Variants in ASH1L observed in about 807,000 individuals in gnomAD.
ASH1L encodes histone-lysine N-methyltransferase ASH1L.
A neutral mutation model predicts 269.0 loss-of-function variants in ASH1L; 23 were observed. The observed-to-expected ratio is 0.09, with a 90% confidence interval of 0.06 to 0.12. The LOEUF is 0.12. Among genes scored for constraint, ASH1L ranks in the 10% least tolerant of loss-of-function variants. ASH1L has a pLI of 1.00. For missense variants in ASH1L, 2,912 were observed against 3,567.8 expected (o/e 0.82, Z 4.68); for synonymous variants, 1,187 against 1,253.5 (o/e 0.95, Z 1.12).
intron 1 of ASH1L, among the ~76,000 whole-genome samples, chr1:155,532,874 T>A (rs1429894318): frequency 6.7e-6 from 1 of 148,854 alleles, no homozygotes; most frequent in Admixed American, 6.8e-5. Flanking sequence ...TATATGTGTA[T>A]ATATATGTAT....
chr1:155,337,687 A>G lies in ASH1L; in HGVS notation c.8868T>C (p.Phe2956=). ...SGRKLRRRTL[F]IPENSFRK ...ACTTTCGAAAGCTGTTTTCTGGGAT[A>G]AACAAAGTACGCCTTCGCAGTTTCC... Residue 2956 remains phenylalanine (F), a synonymous_variant, in exon 28 of 28, where the codon TTT becomes TTC. Coordinates refer to ENST00000392403, the MANE Select transcript of ASH1L (RefSeq NM_018489.3). 1 of 1,613,974 alleles carries G rather than the reference A, an allele frequency of 6.2e-7. No homozygotes were observed. Among genetic ancestry groups the G allele is most frequent in the Admixed American group, 1.7e-5 (1 of 60,022 alleles).
intron 4 of ASH1L, among the ~76,000 whole-genome samples, chr1:155,457,124 G>A (rs1444888102): frequency 6.6e-6 from 1 of 152,082 alleles, no homozygotes. Context: ...CACACAGCAT[G>A]AACAAAAAAT....
intron 2 of ASH1L, among the ~76,000 whole-genome samples, chr1:155,503,076 C>T (rs953196184): frequency 2.6e-5 from 4 of 152,034 alleles, no homozygotes; most frequent in Admixed American, 2.6e-4. Flanking sequence ...GCCCCCAGCC[C>T]GTAAAATCAA....
chr1:155,491,164 A>G (rs1347728848), intron 2 of ASH1L, among the ~76,000 whole-genome samples: 3 of 152,072 alleles, frequency 2.0e-5, no homozygotes, highest in African/African-American at 7.2e-5. Context: ...GTCATTTCTA[A>G]TTTAGATGGG....
intron 22 of ASH1L, 75 bp downstream of exon 22, chr1:155,344,108 G>A (rs1653033136): frequency 2.3e-6 from 3 of 1,301,366 alleles, no homozygotes; most frequent in Non-Finnish European, 3.3e-6. Flanking sequence ...CAATGACTAT[G>A]ATGGAGACAG....
rs1206653812 is a variant in ASH1L, at chr1:155,439,048, T to G, written c.5107A>C (p.Ser1703Arg). The change falls in exon 5 of 28, where the codon AGT (serine) becomes CGT (arginine). Residue 1703 changes from serine (S) to arginine (R), a missense_variant. Ser to Arg is a moderately radical substitution (Grantham distance 110, BLOSUM62 -1). Transcript: ENST00000392403. ...TCCCCAGAAGCAACTAATCTTGGAC[T>G]TCGAGAGGGAACTCCGTTTACTGAA... ...SSTVNGVPSR[S>R]PRLVASGDDS... 6.2e-7 allele frequency: 1 copy of G among 1,607,236 alleles called. No individual in the cohort carries two copies. The highest frequency in any genetic ancestry group is 2.2e-5 in the East Asian group (1 of 44,802).
chr1:155,483,442 T>G (rs540287148), intron 2 of ASH1L, among the ~76,000 whole-genome samples: 9 of 152,104 alleles, frequency 5.9e-5, no homozygotes, highest in Admixed American at 5.2e-4. Flanking sequence ...ATATCATTTT[T>G]CAAAGCCCCA....
At chr1:155,388,056 G>T (rs1657587143) in intron 7 of ASH1L, among the ~76,000 whole-genome samples, 1 of 152,138 alleles carries the variant, frequency 6.6e-6, no homozygotes, top group African/African-American at 2.4e-5. Context: ...TCCCCAGTGG[G>T]TGTTTGCTGG....
At chr1:155,482,533 G>C in intron 2 of ASH1L, 84 bp from the exon 3 acceptor site, 1 of 1,369,146 alleles carries the variant, frequency 7.3e-7, no homozygotes, top group Non-Finnish European at 1.0e-6. Context: ...CAAACTAATG[G>C]ATCACATATC....
chr1:155,520,846 G>A (rs1252919957), intron 2 of ASH1L, among the ~76,000 whole-genome samples: 1 of 152,064 alleles, frequency 6.6e-6, no homozygotes, highest in Non-Finnish European at 1.5e-5. Context: ...TGGGCAACAA[G>A]AGCAAAACTT....
chr1:155,478,716 G>A lies in ASH1L; in HGVS notation c.4154C>T (p.Pro1385Leu). ...STGFYPSYGM[P>L]YSPSPLTAAP... ...AGCTGTAAGGGGTGAAGGAGAGTAA[G>A]GCATACCATAAGATGGATAGAATCC... The change falls in exon 3 of 28, where the codon CCT (proline) becomes CTT (leucine). Residue 1385 changes from proline (P) to leucine (L), a missense_variant. This residue lies in a region of ASH1L where 789 missense variants were observed against 897.6 expected (regional missense o/e 0.88). Transcript: ENST00000392403. The surrounding 1 kb of genome is among the most constrained non-coding windows in gnomAD (Gnocchi z 4.6). 1 of 1,613,898 alleles carries A rather than the reference G, an allele frequency of 6.2e-7. No homozygotes were observed. Among genetic ancestry groups the A allele is most frequent in the Admixed American group, 1.7e-5 (1 of 59,992 alleles).
chr1:155,372,088 C>T (rs551640473), intron 10 of ASH1L, among the ~76,000 whole-genome samples: 11 of 152,070 alleles, frequency 7.2e-5, no homozygotes, highest in Non-Finnish European at 1.2e-4. Context: ...ACTGCAACCT[C>T]TGTCCTCTGG....
chr1:155,521,375 G>A lies in ASH1L; in HGVS notation c.145C>T (p.Leu49Phe). Residue 49 changes from leucine to phenylalanine, a missense_variant, in exon 2 of 28, where the codon CTT becomes TTT. Leu to Phe is a conservative substitution (Grantham distance 22). This residue lies in a region of ASH1L where 115 missense variants were observed against 101.5 expected (regional missense o/e 1.13). Coordinates refer to ENST00000392403, the MANE Select transcript of ASH1L (RefSeq NM_018489.3). ...LEKNTKEEED[L>F]RKRNRERNIE... Reference sequence around the variant, plus strand: ...TTTCTTTCTCGATTCCGTTTGCGAAGGTCCTCTTCCTCCTTTGTGTTTTTT... The same window carrying A: ...TTTCTTTCTCGATTCCGTTTGCGAAAGTCCTCTTCCTCCTTTGTGTTTTTT... The A allele has an allele frequency of 1.2e-6, 2 of 1,614,040 alleles. No homozygotes were observed. Among genetic ancestry groups the A allele is most frequent in the South Asian group, 1.1e-5 (1 of 91,070 alleles).
chr1:155,494,888 A>T (rs78269054), intron 2 of ASH1L, among the ~76,000 whole-genome samples: 2,546 of 152,236 alleles, frequency 0.017, 77 homozygotes, highest in African/African-American at 0.06. Context: ...GTATTGTAAC[A>T]TTAAAGATCA....
intron 10 of ASH1L, 64 bp from the exon 11 acceptor site, chr1:155,371,047 T>C (rs1294034045): frequency 2.1e-6 from 3 of 1,419,260 alleles, no homozygotes; most frequent in African/African-American, 2.9e-5. Context: ...CATCCATTTT[T>C]AAATTTTACA....
intron 6 of ASH1L, among the ~76,000 whole-genome samples, chr1:155,405,745 A>T (rs1268604578): frequency 3.3e-5 from 5 of 150,544 alleles, no homozygotes; most frequent in African/African-American, 9.8e-5. Flanking sequence ...CAGGAGAATC[A>T]CCTGAACCTG....
intron 1 of ASH1L, among the ~76,000 whole-genome samples, chr1:155,539,437 TA>T (rs1316784385): frequency 1.9e-5 from 2 of 105,890 alleles, no homozygotes; most frequent in African/African-American, 5.3e-5. Flanking sequence ...AAAGGTGTTT[TA>T]TTTTATATAT....
chr1:155,446,179 C>T (rs1173619356), intron 4 of ASH1L, among the ~76,000 whole-genome samples: 3 of 151,418 alleles, frequency 2.0e-5, no homozygotes, highest in Non-Finnish European at 2.9e-5. Flanking sequence ...CCACCGCACC[C>T]GGCCACTGTA....
At chr1:155,400,157 C>A (rs1658708638) in intron 6 of ASH1L, among the ~76,000 whole-genome samples, 1 of 151,916 alleles carries the variant, frequency 6.6e-6, no homozygotes, top group South Asian at 2.1e-4. Flanking sequence ...ACCATCCTGG[C>A]TAACACGGTG....
Sources: allele counts gnomAD v4.1 joint callset (sites outside exome capture counted in the v4.1 genomes callset), GRCh38; gene constraint gnomAD v4.1.1; regional missense constraint gnomAD v4.1.1; non-coding constraint Gnocchi (gnomAD v3.1); transcripts MANE v1.5; gene names NCBI Gene and HGNC (gene_info 2026-07-23, HGNC 2026-07-21).